The following ENOX1 variants were observed in gnomAD, a reference collection of about 807,000 sequenced individuals.
The protein encoded by ENOX1 is candidate growth-related and time keeping constitutive hydroquinone (NADH) oxidase.
ENOX1 carries 42 observed loss-of-function variants against 82.5 expected under a neutral mutation model. The observed-to-expected ratio is 0.51, with a 90% CI of 0.40 to 0.66. ENOX1 has a LOEUF of 0.66. ENOX1 is among the 30% of genes least tolerant of loss of function. ENOX1 has a pLI of 0.00. For synonymous variants in ENOX1, 271 were observed against 282.2 expected, an observed-to-expected ratio of 0.96 and a Z score of 0.40; for missense variants, 608 against 811.6, an observed-to-expected ratio of 0.75 and a Z score of 3.05.
intron 3 of ENOX1, among the ~76,000 whole-genome samples, chr13:43,418,701 A>G (rs925520312): frequency 1.1e-4 from 16 of 152,220 alleles, no homozygotes; most frequent in African/African-American, 3.9e-4. Flanking sequence ...GCACCACAAA[A>G]CAATCTGATA....
intron 2 of ENOX1, among the ~76,000 whole-genome samples, chr13:43,584,918 A>G (rs1306822559): frequency 1.3e-5 from 2 of 152,144 alleles, no homozygotes; most frequent in African/African-American, 4.8e-5. Context: ...TTGTTACCCC[A>G]TCGCAAGCAC....
At chr13:43,743,807 C>A (rs1346996662) in intron 1 of ENOX1, among the ~76,000 whole-genome samples, 1 of 152,142 alleles carries the variant, frequency 6.6e-6, no homozygotes, top group Non-Finnish European at 1.5e-5. Context: ...TTATGAACTA[C>A]AGAGATTTAT....
rs188987869 is a variant in ENOX1 at position 43,647,911 on chromosome 13, T to A, written c.-219+19568A>T. 2.6e-3 allele frequency among the ~76,000 whole-genome samples: 392 copies of A among 152,254 alleles called. 1 individual carries two copies. Among genetic ancestry groups the A allele is most frequent in the African/African-American group, 8.9e-3 (369 of 41,558 alleles). On this transcript the variant is annotated intron_variant, in intron 2 of 16. Coordinates refer to ENST00000690772, the MANE Select transcript of ENOX1 (RefSeq NM_001347969.2). The stretch of plus-strand genomic sequence containing the variant: ...CCAGACAGATGGCAGAATGAGAAGG[T>A]CTCGACCCACCATTGCTGGCTTTGA...
chr13:43,336,694 AT>A (rs1367576283), intron 9 of ENOX1, among the ~76,000 whole-genome samples: 2 of 152,228 alleles, frequency 1.3e-5, no homozygotes, highest in Non-Finnish European at 2.9e-5. Context: ...GTATTTAGAT[AT>A]CCAGAGACGA....
chr13:43,724,786 C>T (rs2088824561), intron 1 of ENOX1, among the ~76,000 whole-genome samples: 2 of 152,312 alleles, frequency 1.3e-5, no homozygotes, highest in East Asian at 1.9e-4. Flanking sequence ...TCCTCTTTAT[C>T]GGCTCTTGCC....
chr13:43,383,888 T>A (rs2052236942), intron 5 of ENOX1, among the ~76,000 whole-genome samples: 1 of 152,212 alleles, frequency 6.6e-6, no homozygotes, highest in South Asian at 2.1e-4. Context: ...TGAGCATCCT[T>A]CTTCTCTCCT....
At chr13:43,368,987 G>A (rs1199906556) in intron 5 of ENOX1, among the ~76,000 whole-genome samples, 1 of 152,060 alleles carries the variant, frequency 6.6e-6, no homozygotes, top group Non-Finnish European at 1.5e-5. Context: ...TCCTTTGGAT[G>A]CCTCTAGTGA....
chr13:43,220,328 G>A (rs2041722190), intron 16 of ENOX1, among the ~76,000 whole-genome samples: 2 of 152,152 alleles, frequency 1.3e-5, no homozygotes, highest in Non-Finnish European at 2.9e-5. Context: ...GCATCCCAGA[G>A]GGAAGCCACC....
chr13:43,574,239 C>T (rs1216107479), intron 2 of ENOX1, among the ~76,000 whole-genome samples: 1 of 152,130 alleles, frequency 6.6e-6, no homozygotes, highest in African/African-American at 2.4e-5. Context: ...AATAATATAT[C>T]TGTCAATCTG....
chr13:43,691,965 G>C lies in ENOX1; in HGVS notation c.-284-24421C>G, dbSNP rs144699576. Among the ~76,000 whole-genome samples, 1,362 of 152,236 alleles carry C rather than the reference G, an allele frequency of 8.9e-3. 21 individuals carry two copies. The highest frequency in any genetic ancestry group is 0.031 in the African/African-American group (1,290 of 41,542). ...TCCACCCACCTCAGCCTCCCAAAGT[G>C]CTGGGATTATAGGCATGAGCCACCG... On this transcript the variant is annotated intron_variant, in intron 1 of 16. Coordinates refer to ENST00000690772, the MANE Select transcript of ENOX1 (RefSeq NM_001347969.2).
intron 1 of ENOX1, among the ~76,000 whole-genome samples, chr13:43,692,525 T>G (rs2086420869): frequency 6.6e-6 from 1 of 152,160 alleles, no homozygotes; most frequent in African/African-American, 2.4e-5. Flanking sequence ...ATTTAGCACA[T>G]TGCCTGACAT....
chr13:43,460,831 T>C (rs9525781), intron 3 of ENOX1, among the ~76,000 whole-genome samples: 1 of 38,872 alleles, frequency 2.6e-5, no homozygotes, highest in African/African-American at 1.0e-4. Flanking sequence ...AAAAAAAAAA[T>C]AGGGATAGCT....
At chr13:43,337,144 A>C (rs933348526) in intron 9 of ENOX1, among the ~76,000 whole-genome samples, 1 of 152,222 alleles carries the variant, frequency 6.6e-6, no homozygotes. Flanking sequence ...ACTAAAAAAC[A>C]CTTAGGCTGT....
At chr13:43,678,926 C>T (rs1476623902) in intron 1 of ENOX1, among the ~76,000 whole-genome samples, 1 of 152,110 alleles carries the variant, frequency 6.6e-6, no homozygotes, top group East Asian at 1.9e-4. Flanking sequence ...ACTCAATTTC[C>T]CCTCTACTAA....
chr13:43,545,304 C>A (rs2078927384), intron 2 of ENOX1: 1 of 152,274 alleles, frequency 6.6e-6, no homozygotes, highest in Non-Finnish European at 1.5e-5. Context: ...ATCCTACCAT[C>A]TTCAAAGTGA....
intron 2 of ENOX1, among the ~76,000 whole-genome samples, chr13:43,623,073 C>T (rs2153746961): frequency 6.6e-6 from 1 of 152,212 alleles, no homozygotes; most frequent in South Asian, 2.1e-4. Context: ...ACCCAGCTCC[C>T]ACACAAACCG....
chr13:43,306,498 C>T (rs1448396319), intron 11 of ENOX1, among the ~76,000 whole-genome samples: 3 of 152,196 alleles, frequency 2.0e-5, no homozygotes, highest in Non-Finnish European at 4.4e-5. Context: ...TAAAATGACA[C>T]TGGCTTTCAG....
intron 11 of ENOX1, among the ~76,000 whole-genome samples, chr13:43,307,476 G>A (rs900858909): frequency 2.6e-5 from 4 of 152,062 alleles, no homozygotes; most frequent in Admixed American, 6.6e-5. Flanking sequence ...TGGCCTTTAG[G>A]GACCAGGTCC....
chr13:43,679,183 G>A (rs146533888), intron 1 of ENOX1, among the ~76,000 whole-genome samples: 20 of 152,220 alleles, frequency 1.3e-4, no homozygotes, highest in African/African-American at 2.4e-4. Context: ...ACTTAACACC[G>A]TAATGAAAAA....
Sources: gnomAD v4.1 joint callset for allele counts (sites outside exome capture counted in the v4.1 genomes callset) on GRCh38, gnomAD v4.1.1 for gene constraint, MANE v1.5 for transcripts, NCBI Gene and HGNC (gene_info 2026-07-23, HGNC 2026-07-21) for gene names.